The following OR1J2 variants were observed in gnomAD, a reference collection of about 807,000 sequenced individuals.
OR1J2 encodes the protein olfactory receptor 1J2.
For missense variants in OR1J2, 304 were observed against 246.1 expected (o/e 1.24, Z -1.57); for synonymous variants, 142 against 99.7 (o/e 1.42, Z -2.52).
the OR1J2 span, among the ~76,000 whole-genome samples, chr9:122,572,579 G>GTT: frequency 1.5e-4 from 22 of 147,992 alleles, no homozygotes; most frequent in South Asian, 6.4e-4. Flanking sequence ...TTTGGGTTTG[G>GTT]TTTTTTTTTT....
the OR1J2 span, among the ~76,000 whole-genome samples, chr9:122,466,442 A>G: frequency 1.3e-5 from 2 of 152,176 alleles, no homozygotes; most frequent in Non-Finnish European, 2.9e-5. Flanking sequence ...GGCCTTTCTC[A>G]AGAACTTTCT....
the OR1J2 span, among the ~76,000 whole-genome samples, chr9:122,498,429 G>T: frequency 6.6e-6 from 1 of 152,126 alleles, no homozygotes; most frequent in South Asian, 2.1e-4. Context: ...GTCTATTGAT[G>T]AAGCTTTCAC....
the OR1J2 span, among the ~76,000 whole-genome samples, chr9:122,466,888 G>A: frequency 4.4e-4 from 67 of 151,950 alleles, no homozygotes; most frequent in South Asian, 0.011. Flanking sequence ...GTGCGATCTC[G>A]GCACACAGCA....
At chr9:122,461,735 C>A in the OR1J2 span, among the ~76,000 whole-genome samples, 1 of 152,088 alleles carries the variant, frequency 6.6e-6, no homozygotes, top group African/African-American at 2.4e-5. Flanking sequence ...TTGAGGATTT[C>A]TTTTGGAGTT....
At chr9:122,510,658 C>A (rs185379333), upstream of OR1J2, 13 of 554,412 alleles carry the variant, frequency 2.3e-5, no homozygotes, top group East Asian at 3.4e-4. Context: ...TCCCCACAGA[C>A]CCCCGATAGG....
At chr9:122,568,417 GGGA>G in the OR1J2 span, 1 of 1,613,134 alleles carries the variant, frequency 6.2e-7, no homozygotes, top group South Asian at 1.1e-5. Flanking sequence ...TCCTCAGGCC[GGGA>G]GGAGAGTCCC....
chr9:122,536,564 C>T, the OR1J2 span, among the ~76,000 whole-genome samples: 1 of 152,222 alleles, frequency 6.6e-6, no homozygotes, highest in African/African-American at 2.4e-5. Context: ...TAGATATCTT[C>T]CCGACTATAG....
chr9:122,572,568 T>C, the OR1J2 span, among the ~76,000 whole-genome samples: 1 of 135,982 alleles, frequency 7.4e-6, no homozygotes, highest in Non-Finnish European at 1.6e-5. Context: ...GTTTTTTTGG[T>C]TTTGGGTTTG....
the OR1J2 span, among the ~76,000 whole-genome samples, chr9:122,518,208 C>A: frequency 6.6e-6 from 1 of 152,166 alleles, no homozygotes; most frequent in African/African-American, 2.4e-5. Context: ...AGGAAGCTGG[C>A]ATATTTTTCT....
chr9:122,544,112 T>C, the OR1J2 span, among the ~76,000 whole-genome samples: 2 of 152,104 alleles, frequency 1.3e-5, no homozygotes, highest in Non-Finnish European at 1.5e-5. Context: ...AACATTACAT[T>C]GTAGCTCATA....
At chr9:122,476,895 A>G in the OR1J2 span, 1 of 710,346 alleles carries the variant, frequency 1.4e-6, no homozygotes, top group Admixed American at 2.4e-5. Context: ...TTTAGTAGAG[A>G]CTGGGTTTCG....
the OR1J2 span, among the ~76,000 whole-genome samples, chr9:122,560,319 C>T: frequency 6.6e-6 from 1 of 152,084 alleles, no homozygotes; most frequent in Non-Finnish European, 1.5e-5. Context: ...CAGCATTTAG[C>T]CCGTTTACAT....
chr9:122,455,723 A>T, the OR1J2 span, among the ~76,000 whole-genome samples: 1 of 151,872 alleles, frequency 6.6e-6, no homozygotes, highest in Non-Finnish European at 1.5e-5. Context: ...CGTTCACTTT[A>T]TTTTTTTCTT....
chr9:122,452,530 ATGGATTCT>A, the OR1J2 span, among the ~76,000 whole-genome samples: 1 of 152,176 alleles, frequency 6.6e-6, no homozygotes, highest in Non-Finnish European at 1.5e-5. Context: ...TGGTGAGCAT[ATGGATTCT>A]TGTCCGGAGT....
the OR1J2 span, among the ~76,000 whole-genome samples, chr9:122,492,033 G>T: frequency 6.6e-6 from 1 of 152,064 alleles, no homozygotes; most frequent in Admixed American, 6.6e-5. Flanking sequence ...GATTCAGGGG[G>T]TACATGTGCA....
At chr9:122,491,024 G>A in the OR1J2 span, among the ~76,000 whole-genome samples, 2 of 152,170 alleles carry the variant, frequency 1.3e-5, no homozygotes, top group Non-Finnish European at 2.9e-5. Flanking sequence ...GATTATGAAA[G>A]TGTGTATAAG....
At chr9:122,560,140 A>G in the OR1J2 span, among the ~76,000 whole-genome samples, 2 of 152,242 alleles carry the variant, frequency 1.3e-5, no homozygotes, top group Middle Eastern at 3.4e-3. Flanking sequence ...GTCAGAGACT[A>G]GGATCACAAC....
the OR1J2 span, among the ~76,000 whole-genome samples, chr9:122,561,268 G>C: frequency 1.3e-5 from 2 of 152,060 alleles, no homozygotes; most frequent in Admixed American, 1.3e-4. Flanking sequence ...TAGCTTCTTT[G>C]CATTGGGTTA....
At chr9:122,461,497 A>G in the OR1J2 span, among the ~76,000 whole-genome samples, 3 of 151,860 alleles carry the variant, frequency 2.0e-5, no homozygotes, top group African/African-American at 7.3e-5. Flanking sequence ...CAGTTACATG[A>G]GGTGTGACCT....
Sources: gnomAD v4.1 joint callset for allele counts (sites outside exome capture counted in the v4.1 genomes callset) on GRCh38, gnomAD v4.1.1 for gene constraint, MANE v1.5 for transcripts, NCBI Gene and HGNC (gene_info 2026-07-23, HGNC 2026-07-21) for gene names.